Variants in BLTP2 observed in about 807,000 individuals in gnomAD.
BLTP2 encodes U937-associated antigen.
chr17:28,643,811 G>C, the BLTP2 span: 16 of 897,910 alleles, frequency 1.8e-5, no homozygotes, highest in Non-Finnish European at 2.6e-5. Flanking sequence ...TAAAATCTTC[G>C]ATTTCCTGTT....
At chr17:28,644,012 A>G in the BLTP2 span, 1 of 1,561,408 alleles carries the variant, frequency 6.4e-7, no homozygotes. Context: ...GTTTAAATTC[A>G]ATTGGATCAA....
chr17:28,638,242 C>T, the BLTP2 span: 5 of 1,609,376 alleles, frequency 3.1e-6, no homozygotes, highest in Middle Eastern at 2.2e-4. Flanking sequence ...TCACCAAAGC[C>T]CTCACCTACC....
At chr17:28,620,364 T>C in the BLTP2 span, 4 of 935,820 alleles carry the variant, frequency 4.3e-6, no homozygotes, top group African/African-American at 3.3e-5. Flanking sequence ...GGAATTTCAA[T>C]TGTCACTGCC....
the BLTP2 span, chr17:28,619,570 T>C: frequency 6.4e-6 from 10 of 1,563,900 alleles, no homozygotes; most frequent in Admixed American, 6.8e-5. Flanking sequence ...ACACTAGACC[T>C]AAAGACAGTC....
At chr17:28,624,355 C>G in the BLTP2 span, 1 of 1,613,648 alleles carries the variant, frequency 6.2e-7, no homozygotes. Context: ...ACAAACCTAT[C>G]TGTCTCTTCA....
the BLTP2 span, chr17:28,645,140 C>CGACCAGCTGCGCGCGCA: frequency 3.5e-6 from 4 of 1,130,620 alleles, no homozygotes; most frequent in African/African-American, 6.6e-5. Flanking sequence ...CGCCGCGGGC[C>CGACCAGCTGCGCGCGCA]GACCAGCTGC....
At chr17:28,639,656 G>A in the BLTP2 span, 1 of 1,613,096 alleles carries the variant, frequency 6.2e-7, no homozygotes, top group Non-Finnish European at 8.5e-7. Context: ...TAAGAGGCCA[G>A]AGGACAGATC....
chr17:28,644,412 C>G, the BLTP2 span, among the ~76,000 whole-genome samples: 7 of 152,250 alleles, frequency 4.6e-5, no homozygotes, highest in African/African-American at 9.6e-5. Flanking sequence ...ACTGCACCCT[C>G]TAAGTTGAAG....
chr17:28,642,199 G>C, the BLTP2 span: 1 of 1,582,106 alleles, frequency 6.3e-7, no homozygotes, highest in African/African-American at 1.3e-5. Flanking sequence ...AAAGAACCTA[G>C]GATGTAAGCC....
chr17:28,614,460 T>C, the BLTP2 span: 1 of 424,272 alleles, frequency 2.4e-6, no homozygotes, highest in East Asian at 4.5e-5. Flanking sequence ...ATTTAAAATA[T>C]CTTTTTTTTT....
At chr17:28,644,972 C>A in the BLTP2 span, 1 of 1,563,730 alleles carries the variant, frequency 6.4e-7, no homozygotes, top group South Asian at 1.2e-5. Flanking sequence ...GCCGCCGGCG[C>A]GGCCGGGAAC....
chr17:28,640,043 C>A, the BLTP2 span: 1 of 1,612,058 alleles, frequency 6.2e-7, no homozygotes, highest in Non-Finnish European at 8.5e-7. Flanking sequence ...GAGACAGATT[C>A]CAGCTCAGGA....
chr17:28,633,717 T>C, the BLTP2 span: 1 of 1,614,060 alleles, frequency 6.2e-7, no homozygotes, highest in Non-Finnish European at 8.5e-7. Flanking sequence ...GATCCCAGCA[T>C]GGGCCCCACA....
chr17:28,616,865 G>T, the BLTP2 span: 2 of 1,605,924 alleles, frequency 1.2e-6, no homozygotes, highest in Admixed American at 1.7e-5. The surrounding 1 kb of genome is among the most constrained non-coding windows in gnomAD (Gnocchi z 4.8). Flanking sequence ...TTGTTCCCAG[G>T]TCCCTAAGGG....
At chr17:28,642,253 T>C in the BLTP2 span, 1 of 1,613,306 alleles carries the variant, frequency 6.2e-7, no homozygotes, top group Non-Finnish European at 8.5e-7. Flanking sequence ...ATGAGGCATC[T>C]GAATGATCAT....
At chr17:28,641,847 T>C in the BLTP2 span, 4 of 1,553,444 alleles carry the variant, frequency 2.6e-6, no homozygotes, top group South Asian at 4.7e-5. Context: ...AAACAAACCC[T>C]GAGAACAAGG....
chr17:28,626,441 C>G, the BLTP2 span, among the ~76,000 whole-genome samples: 1 of 152,146 alleles, frequency 6.6e-6, no homozygotes, highest in Non-Finnish European at 1.5e-5. Flanking sequence ...TTAGTGCCTC[C>G]TAAGTGATGT....
At chr17:28,620,574 C>G in the BLTP2 span, 1 of 1,614,130 alleles carries the variant, frequency 6.2e-7, no homozygotes, top group Non-Finnish European at 8.5e-7. Context: ...GCATACTGAG[C>G]TGGGTTGGTG....
chr17:28,637,974 T>C, the BLTP2 span: 2 of 1,614,176 alleles, frequency 1.2e-6, no homozygotes, highest in Non-Finnish European at 1.7e-6. Context: ...AGGGATAAGA[T>C]ACGAGACAGA....
Sources: allele counts gnomAD v4.1 joint callset (sites outside exome capture counted in the v4.1 genomes callset), GRCh38; gene constraint gnomAD v4.1.1; non-coding constraint Gnocchi (gnomAD v3.1); transcripts MANE v1.5; gene names NCBI Gene and HGNC (gene_info 2026-07-23, HGNC 2026-07-21).